The following SLC20A1 variants were observed in gnomAD, a reference collection of about 807,000 sequenced individuals.
SLC20A1 encodes sodium-dependent phosphate transporter 1.
A neutral mutation model predicts 62.7 loss-of-function variants in SLC20A1; 28 were observed. The observed-to-expected ratio is 0.45, with a 90% CI of 0.33 to 0.61. SLC20A1 has a LOEUF of 0.61. SLC20A1 is among the 20% of genes least tolerant of loss of function. The pLI, the probability that SLC20A1 is intolerant of heterozygous loss-of-function variation, is 0.02. For synonymous variants in SLC20A1, 305 were observed against 302.9 expected, an observed-to-expected ratio of 1.01 and a Z score of -0.07; for missense variants, 673 against 838.6, an observed-to-expected ratio of 0.80 and a Z score of 2.44.
intron 10 of SLC20A1, 79 bp downstream of exon 10, chr2:112,661,305 T>G: frequency 8.9e-7 from 1 of 1,123,896 alleles, no homozygotes; most frequent in Non-Finnish European, 1.3e-6. Flanking sequence ...TCTGATACTT[T>G]GATTTAGAAA....
intron 5 of SLC20A1, chr2:112,653,077 G>A (rs1007364334): frequency 3.3e-6 from 2 of 612,512 alleles, no homozygotes; most frequent in African/African-American, 3.7e-5. Flanking sequence ...CCTTTCTCCT[G>A]TCTATGCTAA....
At position 112,652,682 on chromosome 2, in the gene SLC20A1, A is replaced by T; in HGVS notation, c.562-20A>T. The stretch of plus-strand genomic sequence containing the variant: ...AACCTTTATACCTTTTAAGATATTG[A>T]TCTTAATGATGTTTTACAGGCAGAT... On this transcript the variant is annotated intron_variant, in intron 4 of 10. Transcript: ENST00000272542. 3.1e-6 allele frequency: 5 copies of T among 1,595,086 alleles called. No homozygotes were observed. The highest frequency in any genetic ancestry group is 4.3e-6 in the Non-Finnish European group (5 of 1,162,762).
rs746079710 is a variant in SLC20A1 at position 112,661,199 on chromosome 2, C to A, written c.1851C>A (p.Gly617=). Residue 617 remains glycine, a synonymous_variant, in exon 10 of 11, where the codon GGC becomes GGA. Transcript: ENST00000272542. ...ALTVVIASNI[G]LPISTTHCKV... ...CTGTGGTGATTGCATCAAATATTGG[C>A]CTTCCCATCAGTACAACACATTGTA... 3.7e-6 allele frequency: 6 copies of A among 1,613,696 alleles called. No individual in the cohort carries two copies. The East Asian group carries it at 1.3e-4, about 36-fold the overall frequency.
intron 10 of SLC20A1, among the ~76,000 whole-genome samples, chr2:112,661,503 A>ATT (rs57951916): frequency 4.0e-5 from 6 of 150,476 alleles, no homozygotes; most frequent in Admixed American, 3.3e-4. Context: ...CTTTATAATA[A>ATT]TTTTTTTTTT....
chr2:112,657,029 T>C, intron 5 of SLC20A1, 93 bp from the exon 6 acceptor site: 1 of 1,474,342 alleles, frequency 6.8e-7, no homozygotes, highest in Non-Finnish European at 9.5e-7. Flanking sequence ...TGGGCTGGTA[T>C]GGGGAACCCC....
chr2:112,648,151 C>T (rs1193929867), intron 4 of SLC20A1, among the ~76,000 whole-genome samples: 2 of 152,054 alleles, frequency 1.3e-5, no homozygotes, highest in South Asian at 4.2e-4. Context: ...GGGTCTCTGC[C>T]GTGCTGATTA....
rs529492630 is a variant in SLC20A1, at chr2:112,656,490, C to T, written c.659-632C>T. Among the ~76,000 whole-genome samples the T allele has an allele frequency of 8.5e-5, 13 of 152,082 alleles. No individual in the cohort carries two copies. In the South Asian group the frequency reaches 1.9e-3, roughly 22 times the overall value. ...TGCTGGGATTACAGGCATGAGCCAC[C>T]GTGCCTGGCTGAAAGACAAAGCTTT... On this transcript the variant is annotated intron_variant, in intron 5 of 10. Transcript: ENST00000272542.
At chr2:112,647,874 C>T (rs1686328996) in intron 4 of SLC20A1, 136 bp downstream of exon 4, 1 of 720,420 alleles carries the variant, frequency 1.4e-6, no homozygotes, top group Non-Finnish European at 2.4e-6. Flanking sequence ...TTGTTCTGTG[C>T]ATTTCTTGTA....
Position 112,663,173 on chromosome 2 carries a change from C to A in SLC20A1, c.*148C>A. 2.1e-6 allele frequency: 2 copies of A among 936,570 alleles called. No homozygotes were observed. The highest frequency in any genetic ancestry group is 3.5e-6 in the Non-Finnish European group (2 of 573,262). The allele number at this position is 936,570 out of a possible 1,614,324, so 58.0% of individuals were successfully genotyped here. On this transcript the variant is annotated 3_prime_UTR_variant, in exon 11 of 11. Coordinates refer to ENST00000272542, the MANE Select transcript of SLC20A1 (RefSeq NM_005415.5). ...GAGGGAAGTGTTACTTGTGCTATAA[C>A]TGCTTTTGTGCTAAATATGAATTGT...
intron 5 of SLC20A1, among the ~76,000 whole-genome samples, chr2:112,656,167 T>G (rs948897638): frequency 6.7e-6 from 1 of 149,846 alleles, no homozygotes. Context: ...CCACTAAACT[T>G]TGTGTGTGAG....
At chr2:112,662,032 A>G (rs754401894) in intron 10 of SLC20A1, among the ~76,000 whole-genome samples, 15 of 152,306 alleles carry the variant, frequency 9.8e-5, no homozygotes, top group Non-Finnish European at 1.6e-4. Flanking sequence ...TTATTTACAG[A>G]AGGCATATTT....
chr2:112,654,086 T>A (rs975695234), intron 5 of SLC20A1, among the ~76,000 whole-genome samples: 1 of 152,182 alleles, frequency 6.6e-6, no homozygotes, highest in Admixed American at 6.6e-5. Context: ...TCACCGCACC[T>A]CGCCAATATT....
chr2:112,651,737 G>A (rs1686444944), intron 4 of SLC20A1, among the ~76,000 whole-genome samples: 1 of 152,134 alleles, frequency 6.6e-6, no homozygotes, highest in South Asian at 2.1e-4. Flanking sequence ...TGACTTGGGT[G>A]TTCTCCTATA....
chr2:112,652,772 T>C lies in SLC20A1; in HGVS notation c.632T>C (p.Phe211Ser), dbSNP rs763976774. The C allele has an allele frequency of 1.3e-5, 21 of 1,614,024 alleles. No homozygotes were observed. The highest frequency in any genetic ancestry group is 1.4e-5 in the Non-Finnish European group (17 of 1,179,860). The change falls in exon 5 of 11, where the codon TTT becomes TCT. Residue 211 changes from phenylalanine (F) to serine (S), a missense_variant. Physicochemically the swap from Phe to Ser is radical, Grantham distance 155 (BLOSUM62 -2). Transcript: ENST00000272542. The part of the protein sequence containing the change: ...FYACTVGINL[F>S]SIMYTGAPLL... ...GCCTGCACAGTTGGAATAAACCTCT[T>C]TTCCATCATGTATACTGGAGCACCG...
chr2:112,660,336 A>C, intron 8 of SLC20A1, 51 bp from the exon 9 acceptor site: 1 of 1,533,492 alleles, frequency 6.5e-7, no homozygotes, highest in Non-Finnish European at 8.9e-7. Context: ...GGGTCTTGCC[A>C]AGATCTAGTT....
At chr2:112,662,559 G>A (rs574374201) in intron 10 of SLC20A1, among the ~76,000 whole-genome samples, 8 of 152,226 alleles carry the variant, frequency 5.3e-5, no homozygotes, top group Non-Finnish European at 8.8e-5. Flanking sequence ...CAGCCTGGGC[G>A]ACAGTGCGAG....
chr2:112,660,433 G>A lies in SLC20A1; in HGVS notation c.1654G>A (p.Gly552Arg). Reference protein sequence around the residue: ...LVALYLVYDTGDVSSKVATPI... With the variant: ...LVALYLVYDTRDVSSKVATPI... Reference sequence around the variant, plus strand: ...TGCTTTATATTTGGTTTATGACACAGGAGATGTTTCTTCAAAAGTGGCAAC... The same window carrying A: ...TGCTTTATATTTGGTTTATGACACAAGAGATGTTTCTTCAAAAGTGGCAAC... The change falls in exon 9 of 11, where the codon GGA (glycine) becomes AGA (arginine). Residue 552 changes from glycine (G) to arginine (R), a missense_variant. Coordinates refer to ENST00000272542, the MANE Select transcript of SLC20A1 (RefSeq NM_005415.5). 1 of 1,614,152 alleles carries A rather than the reference G, an allele frequency of 6.2e-7. No homozygotes were observed. Among genetic ancestry groups the A allele is most frequent in the Non-Finnish European group, 8.5e-7 (1 of 1,180,014 alleles).
chr2:112,652,849 CTT>C, intron 5 of SLC20A1, 51 bp downstream of exon 5: 1 of 1,612,470 alleles, frequency 6.2e-7, no homozygotes, highest in Non-Finnish European at 8.5e-7. Context: ...GTTTACAAAA[CTT>C]GCATTAAATG....
intron 10 of SLC20A1, 33 bp from the exon 11 acceptor site, chr2:112,662,831 A>G (rs779017337): frequency 3.7e-6 from 6 of 1,609,682 alleles, no homozygotes; most frequent in Non-Finnish European, 4.2e-6. Flanking sequence ...TGGCACTTCA[A>G]TAACCTGTTT....
Sources: gnomAD v4.1 joint callset for allele counts (sites outside exome capture counted in the v4.1 genomes callset) on GRCh38, gnomAD v4.1.1 for gene constraint, MANE v1.5 for transcripts, NCBI Gene and HGNC (gene_info 2026-07-23, HGNC 2026-07-21) for gene names.